XRCC5: variants seen among roughly 807,000 people sequenced by gnomAD.
The protein encoded by XRCC5 is X-ray repair cross complementing 5, also known as DNA repair protein Ku80.
Under a neutral mutation model 95.7 loss-of-function variants are expected in XRCC5, and 12 were observed. The ratio of observed to expected loss-of-function variants is 0.13; its 90% CI spans 0.08 to 0.20. XRCC5 has a LOEUF of 0.20. Ranked by LOEUF, XRCC5 falls within the 10% of genes least tolerant of loss-of-function variation. The pLI, the probability that XRCC5 is intolerant of heterozygous loss-of-function variation, is 1.00. For synonymous variants in XRCC5, 281 were observed against 290.3 expected (o/e 0.97, Z 0.33); for missense variants, 595 against 873.9 (o/e 0.68, Z 4.02).
intron 2 of XRCC5, among the ~76,000 whole-genome samples, chr2:216,115,030 CAA>C (rs1278587553): frequency 6.6e-6 from 1 of 152,060 alleles, no homozygotes; most frequent in Non-Finnish European, 1.5e-5. Context: ...AAAAACTAAA[CAA>C]AGAAGGGCGC....
chr2:216,182,405 G>A (rs985229561), intron 16 of XRCC5, among the ~76,000 whole-genome samples: 8 of 152,158 alleles, frequency 5.3e-5, no homozygotes, highest in South Asian at 2.1e-4. Context: ...AATTGCTACA[G>A]TACCAATCAC....
At chr2:216,169,795 C>A (rs1470404696) in intron 16 of XRCC5, among the ~76,000 whole-genome samples, 1 of 151,320 alleles carries the variant, frequency 6.6e-6, no homozygotes, top group East Asian at 1.9e-4. Context: ...GCTATAATCC[C>A]AGCACTTTGG....
Position 216,192,728 on chromosome 2 carries a change from T to G in XRCC5, c.2034T>G (p.Val678=), listed in dbSNP as rs201561785. The change falls in exon 18 of 21, where the codon GTT becomes GTG. Residue 678 remains valine (V), a synonymous_variant. Coordinates refer to ENST00000392132, the MANE Select transcript of XRCC5 (RefSeq NM_021141.4). The stretch of plus-strand genomic sequence containing the variant: ...AATTAAATCATTTCTGGGAAATTGT[T>G]GTCCAGGGTAAGTTGTCATTTGCCT... ...IKQLNHFWEI[V]VQDGITLITK... The G allele has an allele frequency of 6.0e-5, 95 of 1,585,752 alleles. No homozygotes were observed. The highest frequency in any genetic ancestry group is 7.8e-5 in the Non-Finnish European group (91 of 1,167,232).
chr2:216,165,439 G>A (rs1177862338), intron 16 of XRCC5, among the ~76,000 whole-genome samples: 1 of 152,194 alleles, frequency 6.6e-6, no homozygotes, highest in Non-Finnish European at 1.5e-5. Flanking sequence ...TTGCTTATTA[G>A]CAACTAGTTC....
At chr2:216,122,990 G>A (rs891954088) in intron 6 of XRCC5, among the ~76,000 whole-genome samples, 3 of 152,160 alleles carry the variant, frequency 2.0e-5, no homozygotes, top group Admixed American at 6.5e-5. Context: ...AAGAAGAATC[G>A]GTGGCATCTA....
chr2:216,175,303 T>G (rs540895021), intron 16 of XRCC5: 64 of 452,614 alleles, frequency 1.4e-4, no homozygotes, highest in Non-Finnish European at 2.2e-4. Context: ...CACCAGAGCC[T>G]CCTCTTCCAC....
chr2:216,166,488 T>A (rs541252161), intron 16 of XRCC5, among the ~76,000 whole-genome samples: 1 of 152,144 alleles, frequency 6.6e-6, no homozygotes, highest in Non-Finnish European at 1.5e-5. Flanking sequence ...TAGGGTTGTT[T>A]CCCTACATAC....
chr2:216,146,497 T>G (rs1481840753), intron 13 of XRCC5, among the ~76,000 whole-genome samples: 1 of 148,380 alleles, frequency 6.7e-6, no homozygotes, highest in African/African-American at 2.6e-5. Flanking sequence ...GTTTTGTTTG[T>G]TTTTTTTAGA....
At chr2:216,112,358 C>T (rs41296922) in intron 1 of XRCC5, among the ~76,000 whole-genome samples, 3 of 152,328 alleles carry the variant, frequency 2.0e-5, no homozygotes, top group African/African-American at 4.8e-5. Context: ...ATCCCCTCCA[C>T]CAGTCTTGAG....
intron 12 of XRCC5, among the ~76,000 whole-genome samples, chr2:216,138,823 AC>A (rs41296396): frequency 0.032 from 4,918 of 152,318 alleles, 104 homozygotes; most frequent in Non-Finnish European, 0.047. Flanking sequence ...ACCAAAAAGA[AC>A]AACAAATGAT....
At chr2:216,110,212 G>A (rs1282038378) in intron 1 of XRCC5, among the ~76,000 whole-genome samples, 2 of 151,786 alleles carry the variant, frequency 1.3e-5, no homozygotes, top group Admixed American at 6.6e-5. Flanking sequence ...TGGTGTCCCA[G>A]ATCAGTAACA....
At chr2:216,159,153 A>G (rs1255060881) in intron 14 of XRCC5, among the ~76,000 whole-genome samples, 1 of 152,196 alleles carries the variant, frequency 6.6e-6, no homozygotes, top group Non-Finnish European at 1.5e-5. Flanking sequence ...GAATTTTTAA[A>G]ATTTCTAGAT....
At chr2:216,116,488 A>G (rs1458327300) in intron 2 of XRCC5, 171 bp from the exon 3 acceptor site, 5 of 709,632 alleles carry the variant, frequency 7.0e-6, no homozygotes, top group Admixed American at 6.9e-5. Flanking sequence ...TCTGTTCAGA[A>G]CCTAAGAATT....
intron 16 of XRCC5, among the ~76,000 whole-genome samples, chr2:216,179,508 G>A (rs543799510): frequency 3.9e-5 from 6 of 152,176 alleles, no homozygotes; most frequent in Admixed American, 2.6e-4. Context: ...GGAATGCTGG[G>A]TTGAGATGGG....
chr2:216,185,018 G>A (rs3770495), intron 16 of XRCC5, among the ~76,000 whole-genome samples: 16,202 of 152,104 alleles, frequency 0.11, 910 homozygotes, highest in South Asian at 0.17. Context: ...AAGTAGGGAG[G>A]GAGAAACCGG....
intron 1 of XRCC5, 50 bp from the exon 2 acceptor site, chr2:216,112,966 C>A: frequency 7.0e-7 from 1 of 1,436,130 alleles, no homozygotes; most frequent in Non-Finnish European, 9.7e-7. Context: ...TTCTTACAGT[C>A]TTTTCTTACG....
At position 216,163,396 on chromosome 2, in the gene XRCC5, G is replaced by C. The variant is rs148899123; in HGVS notation, c.1834+1348G>C. 8.5e-5 allele frequency among the ~76,000 whole-genome samples: 13 copies of C among 152,094 alleles called. 1 individual carries two copies. The highest frequency in any genetic ancestry group is 1.9e-4 in the East Asian group (1 of 5,174). ...AGTGGTGAGATCTCAGCTTACTGCA[G>C]CCTTCACCCTGGCCTCCTGAGTAGC... On this transcript the variant is annotated intron_variant, in intron 16 of 20. Transcript: ENST00000392132.
At chr2:216,179,114 C>T (rs148390418) in intron 16 of XRCC5, among the ~76,000 whole-genome samples, 2 of 152,282 alleles carry the variant, frequency 1.3e-5, no homozygotes, top group Admixed American at 6.5e-5. Flanking sequence ...AGACTAAAGT[C>T]CAAAATCACA....
intron 6 of XRCC5, among the ~76,000 whole-genome samples, chr2:216,122,658 T>A (rs1469121352): frequency 1.3e-5 from 2 of 151,904 alleles, no homozygotes; most frequent in East Asian, 3.9e-4. Context: ...ATAGTCAGTA[T>A]CTTCTTATCA....
Sources: gnomAD v4.1 joint callset for allele counts (sites outside exome capture counted in the v4.1 genomes callset) on GRCh38, gnomAD v4.1.1 for gene constraint, MANE v1.5 for transcripts, NCBI Gene and HGNC (gene_info 2026-07-23, HGNC 2026-07-21) for gene names.